ZNF33A: variants seen among roughly 807,000 people sequenced by gnomAD.
ZNF33A encodes brain my041 protein.
In ZNF33A, 9 loss-of-function variants were observed where a neutral mutation model predicts 15.9. The ratio of observed to expected loss-of-function variants is 0.57; its 90% CI spans 0.34 to 0.99. The LOEUF (loss-of-function observed/expected upper bound fraction) is 0.99. Among genes scored for constraint, ZNF33A ranks in the 50% least tolerant of loss-of-function variants. ZNF33A has a pLI of 0.02. For missense variants in ZNF33A, 843 were observed against 941.6 expected, an observed-to-expected ratio of 0.90 and a Z score of 1.37; for synonymous variants, 294 against 324.2, an observed-to-expected ratio of 0.91 and a Z score of 1.00.
chr10:38,066,609 T>C (rs2066711813), downstream of ZNF33A, among the ~76,000 whole-genome samples: 1 of 151,848 alleles, frequency 6.6e-6, no homozygotes, highest in South Asian at 2.1e-4. Flanking sequence ...GATCAGGCAT[T>C]AAACTCTCCA....
intron 4 of ZNF33A, among the ~76,000 whole-genome samples, chr10:38,022,055 C>T (rs1050321681): frequency 6.6e-6 from 1 of 152,094 alleles, no homozygotes; most frequent in African/African-American, 2.4e-5. Context: ...GTTGCAAACC[C>T]ATAATTGACT....
chr10:38,012,757 G>A (rs2064253140), intron 2 of ZNF33A, among the ~76,000 whole-genome samples: 1 of 152,052 alleles, frequency 6.6e-6, no homozygotes, highest in African/African-American at 2.4e-5. Flanking sequence ...AAGATGAGAA[G>A]TTAGTAATAG....
rs2066610081 is a variant in ZNF33A, at chr10:38,059,378, A to G, written c.*2818A>G. 6.6e-6 allele frequency: 1 copy of G among 152,200 alleles called. No homozygotes were observed. The highest frequency in any genetic ancestry group is 1.5e-5 in the Non-Finnish European group (1 of 68,034). The allele number at this position is 152,200 out of a possible 1,614,324, so 9.4% of individuals were successfully genotyped here. On this transcript the variant is annotated 3_prime_UTR_variant, in exon 5 of 5. Transcript: ENST00000432900. ...TATAATGCAGTGTTAAAAAAAAAAG[A>G]AATAAAATGCACATAGATTTGAAAG...
downstream of ZNF33A, among the ~76,000 whole-genome samples, chr10:38,065,527 C>A (rs1249588990): frequency 6.6e-6 from 1 of 152,172 alleles, no homozygotes; most frequent in East Asian, 1.9e-4. Context: ...TATGTCACTT[C>A]AAATACGATC....
chr10:38,023,126 A>T (rs12768276), intron 4 of ZNF33A, among the ~76,000 whole-genome samples: 1 of 151,998 alleles, frequency 6.6e-6, no homozygotes, highest in Non-Finnish European at 1.5e-5. Context: ...CTGTATTTTT[A>T]GTAGAGACGG....
chr10:38,017,640 A>G (rs2064524027), intron 4 of ZNF33A: 1 of 256,676 alleles, frequency 3.9e-6, no homozygotes, highest in Non-Finnish European at 7.3e-6. Context: ...TGCCCACCTC[A>G]ACTTTACTGT....
chr10:38,038,195 C>T (rs1238491397), intron 4 of ZNF33A, among the ~76,000 whole-genome samples: 22 of 152,038 alleles, frequency 1.4e-4, no homozygotes, highest in Non-Finnish European at 1.5e-5. Flanking sequence ...TGCAATGGTG[C>T]GATCTCGGCT....
downstream of ZNF33A, among the ~76,000 whole-genome samples, chr10:38,060,907 A>G (rs1051906220): frequency 3.3e-5 from 5 of 152,124 alleles, no homozygotes; most frequent in Admixed American, 6.5e-5. Flanking sequence ...GCACAGGACA[A>G]GAGTGCTCAC....
upstream of ZNF33A, chr10:38,010,651 G>A: frequency 6.5e-7 from 1 of 1,529,476 alleles, no homozygotes; most frequent in Non-Finnish European, 9.0e-7. Flanking sequence ...CTCTGCGCAT[G>A]CCTCGTCCGC....
downstream of ZNF33A, chr10:38,064,256 G>C: frequency 1.4e-6 from 1 of 727,262 alleles, no homozygotes; most frequent in Non-Finnish European, 2.2e-6. Context: ...GCATGCTGTG[G>C]AAGAGACATC....
intron 4 of ZNF33A, among the ~76,000 whole-genome samples, chr10:38,029,338 A>C (rs1218552322): frequency 6.6e-6 from 1 of 152,190 alleles, no homozygotes; most frequent in Non-Finnish European, 1.5e-5. Flanking sequence ...CTCAGATGAT[A>C]GTTTTTTTCT....
chr10:38,011,928 A>G (rs2064204481), intron 1 of ZNF33A, among the ~76,000 whole-genome samples: 1 of 152,190 alleles, frequency 6.6e-6, no homozygotes, highest in Admixed American at 6.5e-5. Context: ...CAATGGTTTT[A>G]GTGTTAATGT....
At chr10:38,045,743 CTCTTCT>C (rs1222670149) in intron 4 of ZNF33A, among the ~76,000 whole-genome samples, 1 of 152,136 alleles carries the variant, frequency 6.6e-6, no homozygotes, top group African/African-American at 2.4e-5. Context: ...AACTGCCACC[CTCTTCT>C]TAATTGGTTA....
chr10:38,040,931 A>T (rs532074069), intron 4 of ZNF33A, among the ~76,000 whole-genome samples: 19 of 152,306 alleles, frequency 1.2e-4, no homozygotes, highest in Non-Finnish European at 2.4e-4. Flanking sequence ...TCCTTACTAG[A>T]ATGTATTTCC....
At chr10:38,064,003 A>T, downstream of ZNF33A, 1 of 1,308,072 alleles carries the variant, frequency 7.6e-7, no homozygotes, top group Non-Finnish European at 1.1e-6. Flanking sequence ...AAACAGGAAG[A>T]AAAGAGGGCT....
At chr10:38,041,280 G>C (rs1241526893) in intron 4 of ZNF33A, among the ~76,000 whole-genome samples, 1 of 150,866 alleles carries the variant, frequency 6.6e-6, no homozygotes, top group Non-Finnish European at 1.5e-5. Flanking sequence ...CCCTCCAAGT[G>C]TCCAGTGTCT....
chr10:38,035,111 C>CTTTTTTTTTTTTTT (rs71007683), intron 4 of ZNF33A, among the ~76,000 whole-genome samples: 3 of 85,772 alleles, frequency 3.5e-5, no homozygotes, highest in African/African-American at 5.0e-5. Flanking sequence ...CATTTACTTT[C>CTTTTTTTTTTTTTT]TTTTTTTTTT....
At chr10:38,062,536 G>A (rs541049775), downstream of ZNF33A, among the ~76,000 whole-genome samples, 1 of 152,304 alleles carries the variant, frequency 6.6e-6, no homozygotes, top group South Asian at 2.1e-4. Flanking sequence ...GAGTGCGTGT[G>A]TATGGGCATG....
At chr10:38,042,611 T>C (rs1164656436) in intron 4 of ZNF33A, among the ~76,000 whole-genome samples, 1 of 151,956 alleles carries the variant, frequency 6.6e-6, no homozygotes, top group Non-Finnish European at 1.5e-5. Flanking sequence ...AGTGCCGTGG[T>C]AGGATCCCAT....
Sources: gnomAD v4.1 joint callset for allele counts (sites outside exome capture counted in the v4.1 genomes callset) on GRCh38, gnomAD v4.1.1 for gene constraint, MANE v1.5 for transcripts, NCBI Gene and HGNC (gene_info 2026-07-23, HGNC 2026-07-21) for gene names.